NSUN2: variants seen among roughly 807,000 people sequenced by gnomAD.
NSUN2 encodes NOP2/Sun RNA methyltransferase 2, also known as RNA cytosine C(5)-methyltransferase NSUN2.
Under a neutral mutation model 92.7 loss-of-function variants are expected in NSUN2, and 63 were observed. That is an observed-to-expected ratio of 0.68 (90% CI 0.56 to 0.84). The LOEUF is 0.84. Ranked by LOEUF, NSUN2 falls within the 40% of genes least tolerant of loss-of-function variation. The pLI is 0.00. For missense variants in NSUN2, 989 were observed against 964.9 expected (o/e 1.02, Z -0.33); for synonymous variants, 356 against 348.3 (o/e 1.02, Z -0.25).
chr5:6,621,840 G>A, intron 6 of NSUN2, 176 bp downstream of exon 6: 1 of 586,486 alleles, frequency 1.7e-6, no homozygotes, highest in Non-Finnish European at 3.1e-6. Context: ...GTTTGTTTGA[G>A]TACTACTGAC....
chr5:6,631,752 AG>A (rs1737907094), intron 3 of NSUN2, 120 bp downstream of exon 3: 1 of 718,262 alleles, frequency 1.4e-6, no homozygotes, highest in African/African-American at 1.8e-5. Flanking sequence ...CTAGAACATT[AG>A]GATGTTTGCA....
intron 16 of NSUN2, 87 bp from the exon 17 acceptor site, chr5:6,604,363 C>A: frequency 7.8e-7 from 1 of 1,276,334 alleles, no homozygotes; most frequent in Non-Finnish European, 1.1e-6. Context: ...ATGCTCTTAG[C>A]GGCTATGGTG....
At chr5:6,605,816 G>C (rs1390474464) in intron 14 of NSUN2, among the ~76,000 whole-genome samples, 3 of 151,454 alleles carry the variant, frequency 2.0e-5, no homozygotes, top group African/African-American at 4.9e-5. Flanking sequence ...TCCTGCCTCA[G>C]CCTGAGTAGC....
chr5:6,608,529 A>G (rs1736871716), intron 12 of NSUN2, among the ~76,000 whole-genome samples: 1 of 152,260 alleles, frequency 6.6e-6, no homozygotes, highest in Non-Finnish European at 1.5e-5. Context: ...AGAAACTGAC[A>G]TAGTAACAGA....
intron 14 of NSUN2, among the ~76,000 whole-genome samples, chr5:6,606,345 G>A (rs1039455240): frequency 2.6e-5 from 4 of 152,078 alleles, no homozygotes; most frequent in Non-Finnish European, 5.9e-5. Flanking sequence ...GTGCAGCGGC[G>A]CGATCTCGGC....
intron 9 of NSUN2, among the ~76,000 whole-genome samples, chr5:6,616,095 C>T (rs1231203052): frequency 1.3e-5 from 2 of 152,134 alleles, no homozygotes; most frequent in East Asian, 3.9e-4. Flanking sequence ...GTGGGGTCCC[C>T]CCAAAATTAA....
intron 9 of NSUN2, 34 bp downstream of exon 9, chr5:6,616,693 T>C: frequency 3.2e-6 from 4 of 1,241,618 alleles, no homozygotes; most frequent in Non-Finnish European, 4.2e-6. Flanking sequence ...AAGCCCCCTA[T>C]GCTGTTAATA....
intron 3 of NSUN2, among the ~76,000 whole-genome samples, chr5:6,628,024 T>C (rs1329909891): frequency 6.6e-6 from 1 of 152,198 alleles, no homozygotes; most frequent in Non-Finnish European, 1.5e-5. Flanking sequence ...ACAACATCTA[T>C]GACAAACCAT....
chr5:6,612,202 G>A (rs954481950), intron 9 of NSUN2, among the ~76,000 whole-genome samples: 4 of 152,198 alleles, frequency 2.6e-5, no homozygotes, highest in East Asian at 1.9e-4. Flanking sequence ...TGCCACAGAC[G>A]CGAGACTAAC....
chr5:6,600,885 C>A (rs1736525123), intron 18 of NSUN2, among the ~76,000 whole-genome samples: 1 of 152,244 alleles, frequency 6.6e-6, no homozygotes, highest in Admixed American at 6.5e-5. Flanking sequence ...AACATCCCTG[C>A]CTCTCTGAAC....
intron 14 of NSUN2, among the ~76,000 whole-genome samples, chr5:6,606,249 A>G (rs1239649152): frequency 6.6e-6 from 1 of 152,174 alleles, no homozygotes; most frequent in Admixed American, 6.5e-5. Context: ...TAGGTTCAGG[A>G]TCACAACTAA....
intron 3 of NSUN2, 98 bp downstream of exon 3, chr5:6,631,775 A>G: frequency 1.1e-6 from 1 of 876,726 alleles, no homozygotes; most frequent in East Asian, 2.4e-5. Flanking sequence ...AGTATACCCA[A>G]GCTCTTTAAC....
intron 8 of NSUN2, among the ~76,000 whole-genome samples, chr5:6,617,543 T>C (rs1737259108): frequency 6.6e-6 from 1 of 152,212 alleles, no homozygotes; most frequent in Non-Finnish European, 1.5e-5. Context: ...TGTTCTTTAA[T>C]GAATAGTTCC....
Position 6,616,623 on chromosome 5 carries a change from C to T in NSUN2, c.1021+104G>A, listed in dbSNP as rs75726565. 2,783 of 704,408 alleles carry T rather than the reference C, an allele frequency of 4.0e-3. 83 individuals are homozygous for T. The African/African-American group carries it at 0.049, about 12-fold the overall frequency. 43.6% of individuals were successfully genotyped at this position (704,408 alleles called of 1,614,324 possible). A position where few individuals can be genotyped will look rare whatever the true frequency, so the allele number is the denominator to read the frequency against. On this transcript the variant is annotated intron_variant, in intron 9 of 18. Transcript: ENST00000264670. ...ATACCTAACGGGACTGAACTGCAGGCTCAAAAATGATTAAGATGGTAAACC... is the reference window on the plus strand; with the variant it reads ...ATACCTAACGGGACTGAACTGCAGGTTCAAAAATGATTAAGATGGTAAACC...
At chr5:6,621,464 T>G (rs1737434977) in intron 6 of NSUN2, 1 of 152,100 alleles carries the variant, frequency 6.6e-6, no homozygotes, top group Non-Finnish European at 1.5e-5. Context: ...AAACACCATC[T>G]GCAGCCGGGC....
At chr5:6,602,382 G>A (rs1028388758) in intron 18 of NSUN2, 79 bp downstream of exon 18, 4 of 1,430,860 alleles carry the variant, frequency 2.8e-6, no homozygotes, top group Middle Eastern at 3.6e-4. Flanking sequence ...ACCTTCCCAA[G>A]TCACTTTCCT....
At chr5:6,601,206 T>G (rs1736542153) in intron 18 of NSUN2, among the ~76,000 whole-genome samples, 1 of 152,158 alleles carries the variant, frequency 6.6e-6, no homozygotes, top group Non-Finnish European at 1.5e-5. Flanking sequence ...CTGTCACCTG[T>G]GTATTTCACC....
Position 6,609,938 on chromosome 5 carries a change from T to A in NSUN2, c.1227-16A>T, listed in dbSNP as rs772038343. 6.7e-7 allele frequency: 1 copy of A among 1,503,198 alleles called. No homozygotes were observed. The highest frequency in any genetic ancestry group is 9.2e-7 in the Non-Finnish European group (1 of 1,086,042). The allele number at this position is 1,503,198 out of a possible 1,614,324, so 93.1% of individuals were successfully genotyped here. A position where few individuals can be genotyped will look rare whatever the true frequency, so the allele number is the denominator to read the frequency against. Reference sequence around the variant, plus strand: ...TATCCTAAGGCTAAATATATATATATAATTCACACCTCTGAACTAATCAAA... The same window carrying A: ...TATCCTAAGGCTAAATATATATATAAAATTCACACCTCTGAACTAATCAAA... On this transcript the variant is annotated splice_polypyrimidine_tract_variant and intron_variant, in intron 11 of 18. Transcript: ENST00000264670.
In NSUN2 at chr5:6,604,195, C is replaced by T. The variant is rs754083900; in HGVS notation, c.1900G>A (p.Glu634Lys). 6.2e-7 allele frequency: 1 copy of T among 1,613,802 alleles called. No individual in the cohort carries two copies. The highest frequency in any genetic ancestry group is 8.5e-7 in the Non-Finnish European group (1 of 1,179,772). The stretch of plus-strand genomic sequence containing the variant: ...CTGAGTTTTCTAAAAAAGGGATTTT[C>T]CTGGGTCAACAGTATCTTAACATCT... ...MEDVKILLTQ[E>K]NPFFRKLSSE... The change falls in exon 17 of 19, where the codon GAA (glutamate) becomes AAA (lysine). Residue 634 changes from glutamate (E) to lysine (K), a missense_variant. By Grantham distance (56) the Glu-to-Lys change is moderately conservative. Around this residue, in one of 3 missense-constraint regions of NSUN2, gnomAD observed 626 missense variants for 602.3 expected, o/e 1.04. Transcript: ENST00000264670.
Sources: gnomAD v4.1 joint callset for allele counts (sites outside exome capture counted in the v4.1 genomes callset) on GRCh38, gnomAD v4.1.1 for gene constraint, gnomAD v4.1.1 regional missense constraint, MANE v1.5 for transcripts, NCBI Gene and HGNC (gene_info 2026-07-23, HGNC 2026-07-21) for gene names.